Variants in GRK1 observed in about 807,000 individuals in gnomAD.
GRK1 encodes G protein-coupled receptor kinase 1.
Under a neutral mutation model 41.7 loss-of-function variants are expected in GRK1, and 28 were observed. The ratio of observed to expected loss-of-function variants is 0.67; its 90% CI spans 0.50 to 0.92. GRK1 has a LOEUF of 0.92. Ranked by LOEUF, GRK1 falls within the 40% of genes least tolerant of loss-of-function variation. GRK1 has a pLI of 0.00. For missense variants in GRK1, 703 were observed against 671.2 expected (o/e 1.05, Z -0.52); for synonymous variants, 327 against 286.7 (o/e 1.14, Z -1.42).
At chr13:113,658,154 C>G in the GRK1 span, 1 of 1,608,930 alleles carries the variant, frequency 6.2e-7, no homozygotes, top group Non-Finnish European at 8.5e-7. Flanking sequence ...TCGTCCCTGG[C>G]CTGAGATCCT....
chr13:113,654,571 T>C, the GRK1 span, among the ~76,000 whole-genome samples: 22 of 152,370 alleles, frequency 1.4e-4, no homozygotes, highest in Non-Finnish European at 2.1e-4. Context: ...TTGGAGTCAT[T>C]TTCCTCATGG....
chr13:113,658,311 C>T, the GRK1 span: 1 of 650,798 alleles, frequency 1.5e-6, no homozygotes, highest in Non-Finnish European at 2.6e-6. Flanking sequence ...CCGGCCATCG[C>T]CTCACCAAAC....
chr13:113,648,872 T>C, the GRK1 span: 1 of 152,234 alleles, frequency 6.6e-6, no homozygotes, highest in East Asian at 1.9e-4. Flanking sequence ...TTTTTTTACA[T>C]ACAATAAGAG....
chr13:113,667,565 G>C lies in GRK1; in HGVS notation c.179G>C (p.Ser60Thr). The C allele has an allele frequency of 6.2e-7, 1 of 1,613,644 alleles. No homozygotes were observed. The highest frequency in any genetic ancestry group is 8.5e-7 in the Non-Finnish European group (1 of 1,179,900). ...LRDSLSLEFE[S>T]VCLEQPIGKK... Reference sequence around the variant, plus strand: ...GACAGCCTCAGCCTGGAGTTTGAGAGTGTGTGCTTGGAGCAGCCCATCGGC... The same window carrying C: ...GACAGCCTCAGCCTGGAGTTTGAGACTGTGTGCTTGGAGCAGCCCATCGGC... Residue 60 changes from serine to threonine, a missense_variant, in exon 1 of 7, where the codon AGT becomes ACT. Transcript: ENST00000335678. This position sits in a 1 kb window ranked among gnomAD's most constrained non-coding sequence, Gnocchi z 7.5.
At chr13:113,656,045 G>A in the GRK1 span, among the ~76,000 whole-genome samples, 39 of 152,358 alleles carry the variant, frequency 2.6e-4, no homozygotes, top group African/African-American at 8.9e-4. Context: ...TCCCCGCCGG[G>A]CGTCCCTGGT....
chr13:113,654,821 C>A, the GRK1 span: 6 of 1,613,982 alleles, frequency 3.7e-6, no homozygotes, highest in South Asian at 6.6e-5. Context: ...TACCTGGTGA[C>A]CGTAGCTGGT....
At chr13:113,667,210 GGGCTTCCCAGT>G in exon 1 of GRK1, 1 of 626,898 alleles carries the variant, frequency 1.6e-6, no homozygotes, top group Non-Finnish European at 2.7e-6. The surrounding 1 kb of genome is among the most constrained non-coding windows in gnomAD (Gnocchi z 7.5). Flanking sequence ...GGGCTCCCAG[GGGCTTCCCAGT>G]GGTCCCCAGG....
Position 113,731,090 on chromosome 13 carries a change from GC to G in GRK1, c.1070-125del. ...CAGCCCCTCCACAAAGGATTTTCTG[GC>G]CCCAAATGTGGAGAGTGCTGAGGCC... On this transcript the variant is annotated intron_variant, in intron 4 of 6. Transcript: ENST00000335678. The surrounding 1 kb of genome is among the most constrained non-coding windows in gnomAD (Gnocchi z 5.6). The G allele has an allele frequency of 7.5e-7, 1 of 1,335,128 alleles. No homozygotes were observed. The highest frequency in any genetic ancestry group is 1.0e-6 in the Non-Finnish European group (1 of 1,001,782). 82.7% of individuals were successfully genotyped at this position (1,335,128 alleles called of 1,614,324 possible).
chr13:113,654,846 G>T, the GRK1 span: 3 of 1,614,176 alleles, frequency 1.9e-6, no homozygotes, highest in Non-Finnish European at 1.7e-6. Context: ...GTAGTCCGGT[G>T]TGTACGGGTC....
chr13:113,730,045 A>G (rs1289609129), intron 4 of GRK1, among the ~76,000 whole-genome samples: 1 of 132,804 alleles, frequency 7.5e-6, no homozygotes, highest in Admixed American at 7.8e-5. Context: ...CTGCACCCAG[A>G]CCCGTCCCTC....
intron 4 of GRK1, among the ~76,000 whole-genome samples, chr13:113,725,185 C>G (rs1275234654): frequency 6.6e-6 from 1 of 151,498 alleles, no homozygotes; most frequent in Non-Finnish European, 1.5e-5. Flanking sequence ...CTCCCACGCG[C>G]CCCCCACGCA....
chr13:113,671,360 C>A lies in GRK1; in HGVS notation c.828-139C>A. 1 of 672,944 alleles carries A rather than the reference C, an allele frequency of 1.5e-6. No individual in the cohort carries two copies. Among genetic ancestry groups the A allele is most frequent in the Non-Finnish European group, 2.7e-6 (1 of 369,966 alleles). The allele number at this position is 672,944 out of a possible 1,614,324, so 41.7% of individuals were successfully genotyped here. On this transcript the variant is annotated intron_variant, in intron 2 of 6. Transcript: ENST00000335678. This position sits in a 1 kb window ranked among gnomAD's most constrained non-coding sequence, Gnocchi z 4.1. ...CACCATGGCCTTCGGGTGTCCTCTG[C>A]AGGGACGTAGGGGGGCCAGGCCTCA...
rs754917668 is a variant in GRK1, at chr13:113,731,268, G to T, written c.1119G>T (p.Val373=). The T allele has an allele frequency of 1.2e-5, 19 of 1,537,132 alleles. No individual in the cohort carries two copies. The highest frequency in any genetic ancestry group is 7.8e-5 in the Admixed American group (4 of 51,000). The change falls in exon 5 of 7, where the codon GTG becomes GTT. Residue 373 remains valine, a synonymous_variant. Coordinates refer to ENST00000335678, the MANE Select transcript of GRK1 (RefSeq NM_002929.3). This position sits in a 1 kb window ranked among gnomAD's most constrained non-coding sequence, Gnocchi z 5.6. ...LLQGEEYDFS[V]DYFALGVTLY... The stretch of plus-strand genomic sequence containing the variant: ...AGGGCGAGGAGTACGACTTCTCCGT[G>T]GACTACTTTGCCCTGGGGGTCACCC...
At chr13:113,660,755 G>A in the GRK1 span, among the ~76,000 whole-genome samples, 1 of 152,232 alleles carries the variant, frequency 6.6e-6, no homozygotes. Flanking sequence ...TGACAGAGAT[G>A]TTAGGATTAG....
the GRK1 span, chr13:113,651,721 T>C: frequency 1.2e-6 from 2 of 1,613,784 alleles, no homozygotes; most frequent in Non-Finnish European, 1.7e-6. Flanking sequence ...GGGAGGAACT[T>C]GACGATCTAG....
Position 113,667,277 on chromosome 13 carries a change from G to T in GRK1, c.-110G>T. The T allele has an allele frequency of 9.1e-7, 1 of 1,102,878 alleles. No homozygotes were observed. Among genetic ancestry groups the T allele is most frequent in the Non-Finnish European group, 1.3e-6 (1 of 790,086 alleles). The allele number at this position is 1,102,878 out of a possible 1,614,324, so 68.3% of individuals were successfully genotyped here. On this transcript the variant is annotated 5_prime_UTR_variant, in exon 1 of 7. Coordinates refer to ENST00000335678, the MANE Select transcript of GRK1 (RefSeq NM_002929.3). The surrounding 1 kb of genome is among the most constrained non-coding windows in gnomAD (Gnocchi z 7.5). ...CGTCTCTCTCGTCCAGCAAGGGCAG[G>T]GACGGGCCACAGGCCAAGGGCAGCA...
At chr13:113,669,638 G>A in intron 1 of GRK1, 49 bp from the exon 2 acceptor site, 1 of 1,612,170 alleles carries the variant, frequency 6.2e-7, no homozygotes, top group Non-Finnish European at 8.5e-7. Flanking sequence ...GATGCACCTA[G>A]TCCCTTTCCT....
chr13:113,669,251 G>T (rs1280141920), intron 1 of GRK1, among the ~76,000 whole-genome samples: 1 of 152,234 alleles, frequency 6.6e-6, no homozygotes, highest in East Asian at 1.9e-4. Flanking sequence ...ATGGAGCATT[G>T]TGAGGTTTCA....
chr13:113,729,569 G>A (rs1173996105), intron 4 of GRK1, among the ~76,000 whole-genome samples: 1 of 152,230 alleles, frequency 6.6e-6, no homozygotes, highest in African/African-American at 2.4e-5. Flanking sequence ...GCTGACACAA[G>A]GAAGCAGAAT....
Sources: gnomAD v4.1 joint callset for allele counts (sites outside exome capture counted in the v4.1 genomes callset) on GRCh38, gnomAD v4.1.1 for gene constraint, Gnocchi (gnomAD v3.1) non-coding constraint, MANE v1.5 for transcripts, NCBI Gene and HGNC (gene_info 2026-07-23, HGNC 2026-07-21) for gene names.